The following TMEM163 variants were observed in gnomAD, a reference collection of about 807,000 sequenced individuals.
The protein encoded by TMEM163 is transmembrane protein 163.
Under a neutral mutation model 29.3 loss-of-function variants are expected in TMEM163, and 17 were observed. The observed-to-expected ratio is 0.58, with a 90% CI of 0.40 to 0.87. The LOEUF is 0.87. Ranked by LOEUF, TMEM163 falls within the 40% of genes least tolerant of loss-of-function variation. The probability of loss-of-function intolerance (pLI) is 0.00; values close to 1 mark genes in which losing one functional copy is unlikely to be tolerated. For synonymous variants in TMEM163, 157 were observed against 160.6 expected (o/e 0.98, Z 0.17); for missense variants, 303 against 381.5 (o/e 0.79, Z 1.71).
intron 5 of TMEM163, among the ~76,000 whole-genome samples, chr2:134,472,284 A>G (rs1686820771): frequency 6.6e-6 from 1 of 152,244 alleles, no homozygotes; most frequent in Non-Finnish European, 1.5e-5. Context: ...TTACTATAGA[A>G]AGGGCTCATG....
chr2:134,619,073 A>C (rs115223888), intron 2 of TMEM163, among the ~76,000 whole-genome samples: 2,451 of 152,314 alleles, frequency 0.016, 54 homozygotes, highest in African/African-American at 0.056. Context: ...ACTTTTAACT[A>C]TGATGATAAC....
chr2:134,658,987 C>T (rs1032120090), intron 2 of TMEM163, among the ~76,000 whole-genome samples: 2 of 152,146 alleles, frequency 1.3e-5, no homozygotes, highest in Admixed American at 6.5e-5. Context: ...TTCTGAGAAA[C>T]GCATCATGAG....
intron 4 of TMEM163, among the ~76,000 whole-genome samples, chr2:134,519,363 C>T (rs1029633722): frequency 3.3e-5 from 5 of 152,124 alleles, no homozygotes; most frequent in South Asian, 2.1e-4. Flanking sequence ...AGGTTTGTGT[C>T]GGCCTCAAAT....
At chr2:134,558,387 G>A (rs1441899188) in intron 2 of TMEM163, among the ~76,000 whole-genome samples, 2 of 152,164 alleles carry the variant, frequency 1.3e-5, no homozygotes, top group East Asian at 1.9e-4. Flanking sequence ...TCTCCCAGAA[G>A]CACACACACA....
chr2:134,503,103 G>A, intron 4 of TMEM163, 106 bp from the exon 5 acceptor site: 1 of 1,154,614 alleles, frequency 8.7e-7, no homozygotes, highest in Non-Finnish European at 1.2e-6. Context: ...GAACTCAATT[G>A]TAATTTGCCA....
intron 2 of TMEM163, among the ~76,000 whole-genome samples, chr2:134,582,669 A>C (rs931539965): frequency 6.6e-6 from 1 of 152,220 alleles, no homozygotes; most frequent in East Asian, 1.9e-4. Context: ...CATGACTTGC[A>C]TACAGCCACT....
chr2:134,530,627 A>G (rs937612619), intron 4 of TMEM163, among the ~76,000 whole-genome samples: 5 of 152,296 alleles, frequency 3.3e-5, no homozygotes, highest in Middle Eastern at 6.8e-3. Context: ...AGGCTTCCTC[A>G]ACAAATCTAC....
At chr2:134,585,168 C>T (rs1681784506) in intron 2 of TMEM163, among the ~76,000 whole-genome samples, 1 of 152,178 alleles carries the variant, frequency 6.6e-6, no homozygotes, top group Non-Finnish European at 1.5e-5. Flanking sequence ...CAACCTCGTC[C>T]TCTTTTTTCT....
chr2:134,683,070 A>T (rs1053900491), intron 2 of TMEM163, among the ~76,000 whole-genome samples: 3 of 152,220 alleles, frequency 2.0e-5, no homozygotes, highest in African/African-American at 7.2e-5. Context: ...AAAAGACAAA[A>T]CTATAGAAAC....
chr2:134,508,099 T>G (rs886593321), intron 4 of TMEM163, among the ~76,000 whole-genome samples: 1 of 152,184 alleles, frequency 6.6e-6, no homozygotes, highest in Admixed American at 6.5e-5. Context: ...CACAAAATGT[T>G]GTCAGATCGA....
chr2:134,600,335 C>A (rs1023196896), intron 2 of TMEM163, among the ~76,000 whole-genome samples: 9 of 152,120 alleles, frequency 5.9e-5, no homozygotes, highest in South Asian at 4.1e-4. Flanking sequence ...AATGACCCAA[C>A]AATGGCATAA....
At chr2:134,488,922 C>A (rs1267900899) in intron 5 of TMEM163, among the ~76,000 whole-genome samples, 1 of 151,904 alleles carries the variant, frequency 6.6e-6, no homozygotes, top group Non-Finnish European at 1.5e-5. Flanking sequence ...AATGAGATAC[C>A]ATTTTCCACC....
chr2:134,625,340 G>A (rs1266807759), intron 2 of TMEM163, among the ~76,000 whole-genome samples: 1 of 152,118 alleles, frequency 6.6e-6, no homozygotes, highest in Non-Finnish European at 1.5e-5. Context: ...AAACAAAAGA[G>A]TATGTCCCCT....
intron 2 of TMEM163, among the ~76,000 whole-genome samples, chr2:134,593,125 G>A (rs541405208): frequency 6.6e-6 from 1 of 152,322 alleles, no homozygotes; most frequent in African/African-American, 2.4e-5. Context: ...TCTGAGATGA[G>A]AGAAATCCAT....
intron 5 of TMEM163, among the ~76,000 whole-genome samples, chr2:134,479,760 G>A (rs1182999850): frequency 6.6e-6 from 1 of 152,220 alleles, no homozygotes; most frequent in Non-Finnish European, 1.5e-5. Flanking sequence ...GACAGTGACA[G>A]AGCTGTGTCC....
intron 2 of TMEM163, among the ~76,000 whole-genome samples, chr2:134,706,306 T>C (rs910288801): frequency 3.9e-5 from 6 of 152,072 alleles, no homozygotes. Flanking sequence ...GATCTCTACC[T>C]GCAAATGTAC....
At chr2:134,555,337 T>C (rs1433471834) in intron 2 of TMEM163, among the ~76,000 whole-genome samples, 1 of 152,128 alleles carries the variant, frequency 6.6e-6, no homozygotes, top group African/African-American at 2.4e-5. Flanking sequence ...GAGGTTGGCT[T>C]GGAGAACAGC....
intron 2 of TMEM163, among the ~76,000 whole-genome samples, chr2:134,581,566 C>A (rs974585267): frequency 1.1e-4 from 16 of 152,186 alleles, no homozygotes; most frequent in Non-Finnish European, 5.9e-5. Flanking sequence ...TGCCCTTCCC[C>A]CAAACAAACC....
chr2:134,681,365 G>C (rs900476649), intron 2 of TMEM163, among the ~76,000 whole-genome samples: 2 of 152,166 alleles, frequency 1.3e-5, no homozygotes, highest in African/African-American at 4.8e-5. Context: ...CTCCAGCTCA[G>C]CCTCACAGCT....
Sources: gnomAD v4.1 joint callset for allele counts (sites outside exome capture counted in the v4.1 genomes callset) on GRCh38, gnomAD v4.1.1 for gene constraint, MANE v1.5 for transcripts, NCBI Gene and HGNC (gene_info 2026-07-23, HGNC 2026-07-21) for gene names.